Variants in NFIC observed in about 807,000 individuals in gnomAD.
NFIC encodes the protein nuclear factor I C, also known as nuclear factor 1 C-type.
NFIC carries 12 observed loss-of-function variants against 54.4 expected under a neutral mutation model. That is an observed-to-expected ratio of 0.22 (90% CI 0.14 to 0.36). The LOEUF (loss-of-function observed/expected upper bound fraction) is 0.36. NFIC is among the 10% of genes least tolerant of loss of function. NFIC has a pLI of 1.00. For synonymous variants in NFIC, 322 were observed against 319.2 expected (o/e 1.01, Z -0.09); for missense variants, 575 against 718.2 (o/e 0.80, Z 2.28).
chr19:3,417,007 C>T (rs984911479), intron 2 of NFIC, among the ~76,000 whole-genome samples: 7 of 151,952 alleles, frequency 4.6e-5, no homozygotes, highest in East Asian at 2.0e-4. Context: ...CCTCAGCCTC[C>T]GGAGCAGCTG....
At chr19:3,440,175 G>GT (rs1469719784) in intron 6 of NFIC, among the ~76,000 whole-genome samples, 1 of 152,146 alleles carries the variant, frequency 6.6e-6, no homozygotes, top group Non-Finnish European at 1.5e-5. Context: ...GGTTTGAGGA[G>GT]TTGCACTGTG....
chr19:3,462,730 C>A (rs771259603), intron 10 of NFIC, 22 bp from the exon 11 acceptor site: 1 of 1,613,630 alleles, frequency 6.2e-7, no homozygotes, highest in East Asian at 2.2e-5. Flanking sequence ...CTCCCTCTTT[C>A]TGTCGCCACT....
At chr19:3,417,697 C>G (rs2081885556) in intron 2 of NFIC, among the ~76,000 whole-genome samples, 1 of 148,034 alleles carries the variant, frequency 6.8e-6, no homozygotes, top group Non-Finnish European at 1.5e-5. Flanking sequence ...GCAATCTCGG[C>G]TCACTGCAAC....
chr19:3,441,656 G>C (rs890925509), intron 6 of NFIC, among the ~76,000 whole-genome samples: 3 of 152,226 alleles, frequency 2.0e-5, no homozygotes, highest in Non-Finnish European at 4.4e-5. Context: ...GCAAGGGCCA[G>C]AGGGGCCCAA....
At chr19:3,448,598 G>T (rs2082407550) in intron 6 of NFIC, among the ~76,000 whole-genome samples, 1 of 152,180 alleles carries the variant, frequency 6.6e-6, no homozygotes. Context: ...CTGAGCTGGG[G>T]CTTGTCTGTG....
intron 2 of NFIC, among the ~76,000 whole-genome samples, chr19:3,388,112 C>T (rs974221478): frequency 2.8e-4 from 43 of 152,262 alleles, no homozygotes; most frequent in African/African-American, 8.7e-4. Flanking sequence ...TCCCGCCTTG[C>T]GTCGTGCCAA....
chr19:3,377,933 T>C (rs2145459781), intron 1 of NFIC, among the ~76,000 whole-genome samples: 1 of 152,098 alleles, frequency 6.6e-6, no homozygotes, highest in East Asian at 1.9e-4. Context: ...CAGCTAATTT[T>C]TGTAATTTTC....
Position 3,467,091 on chromosome 19 carries a change from G to T in NFIC, c.*4322G>T. ...GTCATCCCTGGGTGGAGGAGGGAGT[G>T]TTGGTTTTTTGTTTTTGTTTTTTTA... is the stretch of plus-strand genomic sequence containing the variant. On this transcript the variant is annotated 3_prime_UTR_variant, in exon 11 of 11. Coordinates refer to ENST00000443272, the MANE Select transcript of NFIC (RefSeq NM_001245002.2). The T allele has an allele frequency of 6.9e-6, 1 of 145,934 alleles. No individual in the cohort carries two copies. The highest frequency in any genetic ancestry group is 2.8e-5 in the African/African-American group (1 of 35,646). The allele number at this position is 145,934 out of a possible 1,614,324, so 9.0% of individuals were successfully genotyped here.
rs773349786 is a variant in NFIC, at chr19:3,449,185, A to C, written c.1084+46A>C. On this transcript the variant is annotated intron_variant, in intron 7 of 10. Coordinates refer to ENST00000443272, the MANE Select transcript of NFIC (RefSeq NM_001245002.2). ...GCGGGGAGGGGCGGCGGGCCCTCCT[A>C]TCAGGCCTCTCACAGCCGGGGAAGT... 1.0e-5 allele frequency: 16 copies of C among 1,588,046 alleles called. No individual in the cohort carries two copies. In the Admixed American group the frequency reaches 2.9e-4, roughly 29 times the overall value.
rs1317268715 is a variant in NFIC at position 3,371,998 on chromosome 19, C to CCTCCCTCTCTCT, written c.30+5335_30+5336insCCTCTCTCTCTC. 5.9e-4 allele frequency among the ~76,000 whole-genome samples: 21 copies of CCTCCCTCTCTCT among 35,414 alleles called. 4 individuals are homozygous for CCTCCCTCTCTCT. In the East Asian group the frequency reaches 0.017, roughly 29 times the overall value. 23.2% of individuals were successfully genotyped at this position (35,414 alleles called of 152,430 possible). A position where few individuals can be genotyped will look rare whatever the true frequency, so the allele number is the denominator to read the frequency against. On this transcript the variant is annotated intron_variant, in intron 1 of 10. Transcript: ENST00000443272. Reference sequence around the variant, plus strand: ...CTTTCTCTCTCTCTCCCTCTCTCTCCCTCTCTCTCTCTCTCTCTCTCTCTC... The same window carrying CCTCCCTCTCTCT: ...CTTTCTCTCTCTCTCCCTCTCTCTCCCTCCCTCTCTCTCTCTCTCTCTCTCTCTCTCTCTCTC...
At chr19:3,365,069 C>G (rs1375574241), upstream of NFIC, among the ~76,000 whole-genome samples, 1 of 152,088 alleles carries the variant, frequency 6.6e-6, no homozygotes, top group Non-Finnish European at 1.5e-5. Context: ...TGTGGGGGGC[C>G]TAGGGAACCT....
chr19:3,405,150 C>T (rs1000133053), intron 2 of NFIC, among the ~76,000 whole-genome samples: 1 of 152,176 alleles, frequency 6.6e-6, no homozygotes, highest in East Asian at 1.9e-4. Context: ...GGCGGCCCGG[C>T]GGCAGGGGAG....
intron 6 of NFIC, among the ~76,000 whole-genome samples, chr19:3,443,834 C>T (rs1056416424): frequency 1.3e-5 from 2 of 152,188 alleles, no homozygotes; most frequent in Non-Finnish European, 1.5e-5. Flanking sequence ...AGAGAATGAT[C>T]CGGTCCCAAA....
At chr19:3,412,238 A>G (rs1450188334) in intron 2 of NFIC, among the ~76,000 whole-genome samples, 1 of 151,500 alleles carries the variant, frequency 6.6e-6, no homozygotes, top group African/African-American at 2.4e-5. Context: ...ACAGGCCACC[A>G]CGCTGGGCTA....
chr19:3,413,149 G>A (rs568555035), intron 2 of NFIC, among the ~76,000 whole-genome samples: 11 of 152,080 alleles, frequency 7.2e-5, no homozygotes, highest in African/African-American at 2.2e-4. Flanking sequence ...GGGTTTCACC[G>A]TGTTAGCCAG....
chr19:3,430,402 T>C (rs2082101781), intron 3 of NFIC, among the ~76,000 whole-genome samples: 1 of 152,100 alleles, frequency 6.6e-6, no homozygotes, highest in Admixed American at 6.6e-5. Flanking sequence ...TTTTGTATTT[T>C]CAGTAGAGAT....
At position 3,370,840 on chromosome 19, in the gene NFIC, C is replaced by T. The variant is rs536615532; in HGVS notation, c.30+4174C>T. Among the ~76,000 whole-genome samples the T allele has an allele frequency of 1.3e-5, 2 of 152,282 alleles. No homozygotes were observed. The highest frequency in any genetic ancestry group is 4.8e-5 in the African/African-American group (2 of 41,556). The stretch of plus-strand genomic sequence containing the variant: ...GGCCTCCTGCCCCGGACACGGCCCG[C>T]CCCCCACTCTCCTGCCTGTGTCCAC... On this transcript the variant is annotated intron_variant, in intron 1 of 10. Coordinates refer to ENST00000443272, the MANE Select transcript of NFIC (RefSeq NM_001245002.2). This position sits in a 1 kb window ranked among gnomAD's most constrained non-coding sequence, Gnocchi z 5.2.
intron 2 of NFIC, among the ~76,000 whole-genome samples, chr19:3,423,407 G>T (rs1056605305): frequency 1.3e-5 from 2 of 152,090 alleles, no homozygotes; most frequent in Admixed American, 6.6e-5. Context: ...GTCACACAGC[G>T]ATCGCGTCCT....
intron 6 of NFIC, among the ~76,000 whole-genome samples, chr19:3,448,721 T>G (rs866382768): frequency 1.3e-5 from 2 of 152,078 alleles, no homozygotes; most frequent in African/African-American, 4.8e-5. Context: ...CCCTGAGCCT[T>G]CCCATTTCTC....
Sources: gnomAD v4.1 joint callset for allele counts (sites outside exome capture counted in the v4.1 genomes callset) on GRCh38, gnomAD v4.1.1 for gene constraint, Gnocchi (gnomAD v3.1) non-coding constraint, MANE v1.5 for transcripts, NCBI Gene and HGNC (gene_info 2026-07-23, HGNC 2026-07-21) for gene names.